RAB3GAP1: variants seen among roughly 807,000 people sequenced by gnomAD.
RAB3GAP1 encodes RAB3 GTPase activating protein catalytic subunit 1.
A neutral mutation model predicts 130.7 loss-of-function variants in RAB3GAP1; 86 were observed. That is an observed-to-expected ratio of 0.66 (90% confidence interval 0.55 to 0.79). RAB3GAP1 has a LOEUF of 0.79. Among genes scored for constraint, RAB3GAP1 ranks in the 30% least tolerant of loss-of-function variants. The pLI, the probability that RAB3GAP1 is intolerant of heterozygous loss-of-function variation, is 0.00. For synonymous variants in RAB3GAP1, 367 were observed against 401.7 expected (o/e 0.91, Z 1.03); for missense variants, 1,029 against 1,169.4 (o/e 0.88, Z 1.75).
chr2:135,138,101 A>G (rs550681718), intron 17 of RAB3GAP1, among the ~76,000 whole-genome samples: 1 of 152,134 alleles, frequency 6.6e-6, no homozygotes, highest in East Asian at 1.9e-4. Flanking sequence ...TGCTAGGATT[A>G]CAGACATGAT....
At chr2:135,056,292 AC>A (rs1307670845) in intron 2 of RAB3GAP1, among the ~76,000 whole-genome samples, 5 of 151,566 alleles carry the variant, frequency 3.3e-5, no homozygotes, top group African/African-American at 9.7e-5. Context: ...AACCTCTGCC[AC>A]CTGGGTTCAA....
At chr2:135,109,565 CA>C (rs942181233) in intron 5 of RAB3GAP1, among the ~76,000 whole-genome samples, 3 of 151,004 alleles carry the variant, frequency 2.0e-5, no homozygotes, top group South Asian at 4.2e-4. Context: ...TTTTGCTCTC[CA>C]AAAAAAATTT....
At chr2:135,167,803 C>T in intron 23 of RAB3GAP1, 1 of 1,156,346 alleles carries the variant, frequency 8.6e-7, no homozygotes, top group Non-Finnish European at 1.2e-6. Flanking sequence ...ACCTCTCTCA[C>T]AGTCTGGATT....
At chr2:135,175,776 ATAGGTTTTCAAATTTGAATCC>A (rs1692988488) in intron 24 of RAB3GAP1, among the ~76,000 whole-genome samples, 1 of 152,200 alleles carries the variant, frequency 6.6e-6, no homozygotes, top group African/African-American at 2.4e-5. Context: ...CAATTAGGAG[ATAGGTTTTCAAATTTGAATCC>A]TAGGTTTTCA....
At chr2:135,133,005 A>C in intron 14 of RAB3GAP1, 21 bp downstream of exon 14, 1 of 1,355,160 alleles carries the variant, frequency 7.4e-7, no homozygotes, top group Non-Finnish European at 1.1e-6. Flanking sequence ...GTGGAGTTCA[A>C]TGTTAAAATG....
At chr2:135,118,686 A>T (rs937997313) in intron 7 of RAB3GAP1, among the ~76,000 whole-genome samples, 1 of 152,030 alleles carries the variant, frequency 6.6e-6, no homozygotes, top group Non-Finnish European at 1.5e-5. Context: ...GTTACTCCCT[A>T]CCTGCAGAAT....
chr2:135,162,201 A>G (rs560513524), intron 19 of RAB3GAP1, among the ~76,000 whole-genome samples: 3 of 152,222 alleles, frequency 2.0e-5, no homozygotes, highest in Admixed American at 6.5e-5. Flanking sequence ...CATATTTAAT[A>G]TTAGTGCCCT....
intron 17 of RAB3GAP1, among the ~76,000 whole-genome samples, chr2:135,144,263 T>C (rs1243727952): frequency 6.6e-6 from 1 of 152,230 alleles, no homozygotes; most frequent in Non-Finnish European, 1.5e-5. Context: ...AAGAATTTTA[T>C]TGAGTGACAG....
At chr2:135,165,783 T>A (rs1221944709) in intron 23 of RAB3GAP1, among the ~76,000 whole-genome samples, 2 of 152,224 alleles carry the variant, frequency 1.3e-5, no homozygotes, top group Admixed American at 6.5e-5. Flanking sequence ...ATAATATCTA[T>A]CCAGTTCACT....
In RAB3GAP1 at chr2:135,135,190, T is replaced by C. The variant is rs149795634; in HGVS notation, c.1500-75T>C. 21 of 1,153,772 alleles carry C rather than the reference T, an allele frequency of 1.8e-5. 1 individual carries two copies. The East Asian group carries it at 5.0e-4, about 27-fold the overall frequency. The allele number at this position is 1,153,772 out of a possible 1,614,324, so 71.5% of individuals were successfully genotyped here. A position where few individuals can be genotyped will look rare whatever the true frequency, so the allele number is the denominator to read the frequency against. On this transcript the variant is annotated intron_variant, in intron 15 of 23. Coordinates refer to ENST00000264158, the MANE Select transcript of RAB3GAP1 (RefSeq NM_012233.3). ...TTATCAATATAGCTAAAAATTATGG[T>C]AGTATAGAAAATAATCATATCTGAA...
intron 5 of RAB3GAP1, among the ~76,000 whole-genome samples, chr2:135,105,755 C>T (rs1176245523): frequency 6.6e-6 from 1 of 151,754 alleles, no homozygotes; most frequent in Non-Finnish European, 1.5e-5. Context: ...AGGAGCGCCT[C>T]TTCCCAGCCG....
intron 17 of RAB3GAP1, among the ~76,000 whole-genome samples, chr2:135,143,801 G>A (rs1036075586): frequency 3.3e-5 from 5 of 151,964 alleles, no homozygotes; most frequent in South Asian, 4.1e-4. Context: ...CGCCCGCCTC[G>A]GCCTCCCAAA....
In RAB3GAP1 at chr2:135,055,211, A is replaced by G. The variant is rs142113379; in HGVS notation, c.74+2726A>G. Among the ~76,000 whole-genome samples, 285 of 152,340 alleles carry G rather than the reference A, an allele frequency of 1.9e-3. 1 individual carries two copies. Among genetic ancestry groups the G allele is most frequent in the African/African-American group, 6.5e-3 (271 of 41,582 alleles). ...AAGAAACCTGGTCTTATAAGAGCCTATAACAGAGGGACCTAATATAGAATA... is the reference window on the plus strand; with the variant it reads ...AAGAAACCTGGTCTTATAAGAGCCTGTAACAGAGGGACCTAATATAGAATA... On this transcript the variant is annotated intron_variant, in intron 2 of 23. Coordinates refer to ENST00000264158, the MANE Select transcript of RAB3GAP1 (RefSeq NM_012233.3).
chr2:135,174,714 C>T (rs1434348263), downstream of RAB3GAP1, among the ~76,000 whole-genome samples: 3 of 152,192 alleles, frequency 2.0e-5, no homozygotes, highest in Non-Finnish European at 2.9e-5. Flanking sequence ...TCTTAGTAAC[C>T]CACTGTCACT....
intron 3 of RAB3GAP1, among the ~76,000 whole-genome samples, chr2:135,065,663 A>G (rs1316173434): frequency 6.6e-6 from 1 of 152,016 alleles, no homozygotes; most frequent in African/African-American, 2.4e-5. Flanking sequence ...TGTTGTGACA[A>G]TGTTTGAGGG....
chr2:135,163,060 T>C lies in RAB3GAP1; in HGVS notation c.2565T>C (p.Thr855=). 6.2e-7 allele frequency: 1 copy of C among 1,613,828 alleles called. No individual in the cohort carries two copies. Among genetic ancestry groups the C allele is most frequent in the South Asian group, 1.1e-5 (1 of 91,076 alleles). Residue 855 remains threonine (T), a synonymous_variant, in exon 22 of 24, where the codon ACT becomes ACC. Coordinates refer to ENST00000264158, the MANE Select transcript of RAB3GAP1 (RefSeq NM_012233.3). The part of the protein sequence containing the change: ...RARSLKAKFG[T]EKCEQEEEKE... ...GGTCACTAAAAGCCAAGTTTGGAAC[T>C]GAGAAATGTGAACAGGAGGAGGAAA...
At chr2:135,162,297 T>C in intron 19 of RAB3GAP1, 1 of 428,926 alleles carries the variant, frequency 2.3e-6, no homozygotes, top group Non-Finnish European at 4.2e-6. Context: ...TCGGTAGTTT[T>C]TATTTTCTTT....
intron 18 of RAB3GAP1, among the ~76,000 whole-genome samples, chr2:135,153,195 G>T (rs1692222032): frequency 6.6e-6 from 1 of 152,176 alleles, no homozygotes; most frequent in Admixed American, 6.6e-5. Context: ...TTCTGATCAT[G>T]TGGTGTATTA....
downstream of RAB3GAP1, among the ~76,000 whole-genome samples, chr2:135,174,030 A>G (rs1692937066): frequency 6.6e-6 from 1 of 152,186 alleles, no homozygotes; most frequent in African/African-American, 2.4e-5. Flanking sequence ...TTGGCTCTCA[A>G]AAGTGGAACT....
Sources: gnomAD v4.1 joint callset for allele counts (sites outside exome capture counted in the v4.1 genomes callset) on GRCh38, gnomAD v4.1.1 for gene constraint, MANE v1.5 for transcripts, NCBI Gene and HGNC (gene_info 2026-07-23, HGNC 2026-07-21) for gene names.